The following MFSD6 variants were observed in gnomAD, a reference collection of about 807,000 sequenced individuals.
The protein encoded by MFSD6 is major facilitator superfamily domain containing 6, also known as major facilitator superfamily domain-containing protein 6.
MFSD6 carries 26 observed loss-of-function variants against 56.3 expected under a neutral mutation model. The ratio of observed to expected loss-of-function variants is 0.46; its 90% CI spans 0.34 to 0.64. The LOEUF (loss-of-function observed/expected upper bound fraction) is 0.64, where lower values mean the gene tolerates loss of function less well. Among genes scored for constraint, MFSD6 ranks in the 30% least tolerant of loss-of-function variants. MFSD6 has a pLI of 0.01. For synonymous variants in MFSD6, 331 were observed against 366.9 expected (o/e 0.90, Z 1.12); for missense variants, 750 against 986.2 (o/e 0.76, Z 3.21).
At chr2:190,409,219 C>T (rs1332390831) in intron 1 of MFSD6, among the ~76,000 whole-genome samples, 1 of 151,982 alleles carries the variant, frequency 6.6e-6, no homozygotes. Flanking sequence ...TATTTATTGC[C>T]CATAGAGCAA....
chr2:190,412,600 G>A lies in MFSD6; in HGVS notation c.-175-2692G>A, dbSNP rs1690604364. The A allele has an allele frequency of 2.6e-5, 26 of 985,102 alleles. No homozygotes were observed. The highest frequency in any genetic ancestry group is 3.0e-5 in the Non-Finnish European group (25 of 829,846). 61.0% of individuals were successfully genotyped at this position (985,102 alleles called of 1,614,324 possible). On this transcript the variant is annotated intron_variant, in intron 1 of 7. Transcript: ENST00000392328. This position sits in a 1 kb window ranked among gnomAD's most constrained non-coding sequence, Gnocchi z 4.1. Reference sequence around the variant, plus strand: ...ACATCTGATGTCAATTCTGTGTGGGGCAATGAAAACACCTTAATGCCTCCA... The same window carrying A: ...ACATCTGATGTCAATTCTGTGTGGGACAATGAAAACACCTTAATGCCTCCA...
chr2:190,434,503 T>G lies in MFSD6; in HGVS notation c.-53-1474T>G, dbSNP rs1686111181. Among the ~76,000 whole-genome samples, 1 of 152,198 alleles carries G rather than the reference T, an allele frequency of 6.6e-6. No individual in the cohort carries two copies. The highest frequency in any genetic ancestry group is 2.1e-4 in the South Asian group (1 of 4,822). ...CAGGCTGGAGTGCAGTGGCGCAATC[T>G]CAGCTCACTGCAACCTCCGCCTCCT... On this transcript the variant is annotated intron_variant, in intron 2 of 7. Transcript: ENST00000392328. The surrounding 1 kb of genome is among the most constrained non-coding windows in gnomAD (Gnocchi z 4.3).
chr2:190,490,346 G>A lies in MFSD6; in HGVS notation c.1891+480G>A, dbSNP rs530654062. On this transcript the variant is annotated intron_variant, in intron 6 of 7. Coordinates refer to ENST00000392328, the MANE Select transcript of MFSD6 (RefSeq NM_017694.4). The surrounding 1 kb of genome is among the most constrained non-coding windows in gnomAD (Gnocchi z 4.5). ...TGGGAGGCCGAGGCGGGTGGATCAC[G>A]AGGTTAGGAGATCAAGACCATCTTG... Among the ~76,000 whole-genome samples, 128 of 151,790 alleles carry A rather than the reference G, an allele frequency of 8.4e-4. No individual in the cohort carries two copies. The highest frequency in any genetic ancestry group is 1.4e-3 in the Non-Finnish European group (92 of 67,930).
At chr2:190,474,560 T>A (rs1024913096) in intron 4 of MFSD6, among the ~76,000 whole-genome samples, 2 of 152,090 alleles carry the variant, frequency 1.3e-5, no homozygotes, top group Admixed American at 1.3e-4. Flanking sequence ...GCTCTGAAAT[T>A]GAGGCAATAA....
chr2:190,409,386 C>T (rs1690459647), intron 1 of MFSD6, among the ~76,000 whole-genome samples: 1 of 152,116 alleles, frequency 6.6e-6, no homozygotes, highest in African/African-American at 2.4e-5. Context: ...GAATAAGCAC[C>T]TCACAGAACT....
At chr2:190,480,875 T>G (rs778437932) in intron 4 of MFSD6, among the ~76,000 whole-genome samples, 1 of 152,118 alleles carries the variant, frequency 6.6e-6, no homozygotes, top group Non-Finnish European at 1.5e-5. Context: ...AAAAGTAAAA[T>G]AAATTATAAA....
rs746402049 is a variant in MFSD6, at chr2:190,489,859, G to C, written c.1884G>C (p.Glu628Asp). 1 of 1,613,538 alleles carries C rather than the reference G, an allele frequency of 6.2e-7. No homozygotes were observed. The highest frequency in any genetic ancestry group is 1.3e-5 in the African/African-American group (1 of 74,888). ...TCCAGTGGCTGGCAGTGCCAGATGAGGAAGAAGGTAATTATTTCCATTCTT... is the reference window on the plus strand; with the variant it reads ...TCCAGTGGCTGGCAGTGCCAGATGACGAAGAAGGTAATTATTTCCATTCTT... Reference protein sequence around the residue: ...ALIQWLAVPDEEEDKTMLAER... With the variant: ...ALIQWLAVPDDEEDKTMLAER... The change falls in exon 6 of 8, where the codon GAG (glutamate) becomes GAC (aspartate). Residue 628 changes from glutamate to aspartate, a missense_variant. Transcript: ENST00000392328. This position sits in a 1 kb window ranked among gnomAD's most constrained non-coding sequence, Gnocchi z 6.6.
rs1460195558 is a variant in MFSD6 at position 190,489,769 on chromosome 2, G to A, written c.1794G>A (p.Gly598=). ...MIGGVLVNYF[G]AAATFRGIGM... Reference sequence around the variant, plus strand: ...ATAGAGTGCTGTTTGTTTTTATAGGGGCTGCTGCAACCTTCCGAGGAATTG... The same window carrying A: ...ATAGAGTGCTGTTTGTTTTTATAGGAGCTGCTGCAACCTTCCGAGGAATTG... Residue 598 remains glycine, a splice_region_variant and synonymous_variant, in exon 6 of 8, where the codon GGG becomes GGA. Coordinates refer to ENST00000392328, the MANE Select transcript of MFSD6 (RefSeq NM_017694.4). This position sits in a 1 kb window ranked among gnomAD's most constrained non-coding sequence, Gnocchi z 6.6. 1 of 1,613,684 alleles carries A rather than the reference G, an allele frequency of 6.2e-7. No homozygotes were observed. Among genetic ancestry groups the A allele is most frequent in the African/African-American group, 1.3e-5 (1 of 74,904 alleles).
In MFSD6 at chr2:190,436,515, G is replaced by T. The variant is rs749241021; in HGVS notation, c.486G>T (p.Lys162Asn). 4.3e-6 allele frequency: 7 copies of T among 1,614,192 alleles called. No homozygotes were observed. The highest frequency in any genetic ancestry group is 5.9e-6 in the Non-Finnish European group (7 of 1,180,036). ...CTGCTACCTTGAGATGTGTACCAAA[G>T]ATTCGCCCAACAACTCACCCCACCA... ...VKPATLRCVP[K>N]IRPTTHPTNA... The change falls in exon 3 of 8, where the codon AAG becomes AAT. Residue 162 changes from lysine (K) to asparagine (N), a missense_variant. Physicochemically the swap from Lys to Asn is moderately conservative, Grantham distance 94. Coordinates refer to ENST00000392328, the MANE Select transcript of MFSD6 (RefSeq NM_017694.4). The surrounding 1 kb of genome is among the most constrained non-coding windows in gnomAD (Gnocchi z 5.3).
chr2:190,494,570 C>T lies in MFSD6; in HGVS notation c.1892-2869C>T, dbSNP rs1689555336. Among the ~76,000 whole-genome samples the T allele has an allele frequency of 2.0e-5, 3 of 152,114 alleles. No homozygotes were observed. ...AAAAAAGAAAACTACAGACCAATAT[C>T]CCTGATGAACATCAATGCAAAAATC... is the stretch of plus-strand genomic sequence containing the variant. On this transcript the variant is annotated intron_variant, in intron 6 of 7. Coordinates refer to ENST00000392328, the MANE Select transcript of MFSD6 (RefSeq NM_017694.4). The surrounding 1 kb of genome is among the most constrained non-coding windows in gnomAD (Gnocchi z 5.7).
intron 3 of MFSD6, among the ~76,000 whole-genome samples, chr2:190,448,920 C>T (rs1239036309): frequency 6.6e-6 from 1 of 152,140 alleles, no homozygotes; most frequent in Non-Finnish European, 1.5e-5. Context: ...TAACCGTCCT[C>T]CTGTAGAAGA....
Position 190,415,821 on chromosome 2 carries a change from C to T in MFSD6, c.-54+408C>T, listed in dbSNP as rs541327596. ...GAAAATGTATTATAAACCTTGAGAT[C>T]TATATTCTGGTCTCAATTGTAAACT... On this transcript the variant is annotated intron_variant, in intron 2 of 7. Transcript: ENST00000392328. The surrounding 1 kb of genome is among the most constrained non-coding windows in gnomAD (Gnocchi z 4.5). Among the ~76,000 whole-genome samples the T allele has an allele frequency of 3.5e-4, 53 of 152,256 alleles. No homozygotes were observed. The highest frequency in any genetic ancestry group is 1.2e-3 in the African/African-American group (49 of 41,534).
rs369826202 is a variant in MFSD6, at chr2:190,471,588, C to T, written c.1630+1733C>T. 4.0e-4 allele frequency among the ~76,000 whole-genome samples: 61 copies of T among 152,272 alleles called. 2 individuals carry two copies. The highest frequency in any genetic ancestry group is 1.3e-3 in the African/African-American group (56 of 41,566). On this transcript the variant is annotated intron_variant, in intron 4 of 7. Coordinates refer to ENST00000392328, the MANE Select transcript of MFSD6 (RefSeq NM_017694.4). This position sits in a 1 kb window ranked among gnomAD's most constrained non-coding sequence, Gnocchi z 4.7. ...AGGCTTGAGTAGGTAAACAAAGCAG[C>T]GGCTGGGAAGCTTGAACTGGGTGGA... is the stretch of plus-strand genomic sequence containing the variant.
In MFSD6 at chr2:190,417,182, A is replaced by G. The variant is rs188063417; in HGVS notation, c.-54+1769A>G. Among the ~76,000 whole-genome samples the G allele has an allele frequency of 3.9e-3, 596 of 152,314 alleles. 5 individuals are homozygous for G. Among genetic ancestry groups the G allele is most frequent in the South Asian group, 0.017 (82 of 4,820 alleles). ...GTATTCTATTTCCAGATGTTATGAA[A>G]GGTCCCATTAGATATAGTGAATTCA... is the stretch of plus-strand genomic sequence containing the variant. On this transcript the variant is annotated intron_variant, in intron 2 of 7. Transcript: ENST00000392328. The surrounding 1 kb of genome is among the most constrained non-coding windows in gnomAD (Gnocchi z 5.7).
At chr2:190,408,599 A>C (rs1012355782) in intron 1 of MFSD6, 96 bp downstream of exon 1, 3 of 151,892 alleles carry the variant, frequency 2.0e-5, no homozygotes, top group African/African-American at 4.8e-5. Flanking sequence ...TAGGCACCTC[A>C]GCCGCGCACA....
rs1355054860 is a variant in MFSD6 at position 190,443,270 on chromosome 2, A to G, written c.1532+5709A>G. 6.6e-6 allele frequency among the ~76,000 whole-genome samples: 1 copy of G among 152,216 alleles called. No homozygotes were observed. Among genetic ancestry groups the G allele is most frequent in the Non-Finnish European group, 1.5e-5 (1 of 68,030 alleles). On this transcript the variant is annotated intron_variant, in intron 3 of 7. Transcript: ENST00000392328. The surrounding 1 kb of genome is among the most constrained non-coding windows in gnomAD (Gnocchi z 4.2). ...CTGAGTCAGATTGCCTGGCTCTGCA[A>G]CTTGGAACTATATGGCCTTGGACAA...
At chr2:190,432,059 C>G (rs190210716) in intron 2 of MFSD6, among the ~76,000 whole-genome samples, 2 of 152,264 alleles carry the variant, frequency 1.3e-5, no homozygotes, top group Admixed American at 1.3e-4. Context: ...AACAGACTTT[C>G]CTCAAATGTC....
rs184190145 is a variant in MFSD6 at position 190,495,778 on chromosome 2, T to C, written c.1892-1661T>C. Reference sequence around the variant, plus strand: ...TATTCAACAAATGGTGCTGGGATAATTGGCAAGCCACATGTAGGAGAATGA... The same window carrying C: ...TATTCAACAAATGGTGCTGGGATAACTGGCAAGCCACATGTAGGAGAATGA... On this transcript the variant is annotated intron_variant, in intron 6 of 7. Coordinates refer to ENST00000392328, the MANE Select transcript of MFSD6 (RefSeq NM_017694.4). This position sits in a 1 kb window ranked among gnomAD's most constrained non-coding sequence, Gnocchi z 4.7. Among the ~76,000 whole-genome samples, 290 of 152,180 alleles carry C rather than the reference T, an allele frequency of 1.9e-3. 2 individuals are homozygous for C. Among genetic ancestry groups the C allele is most frequent in the African/African-American group, 6.7e-3 (278 of 41,548 alleles).
At position 190,412,717 on chromosome 2, in the gene MFSD6, G is replaced by T. The variant is rs1175433582; in HGVS notation, c.-175-2575G>T. 1 of 684,184 alleles carries T rather than the reference G, an allele frequency of 1.5e-6. No individual in the cohort carries two copies. The highest frequency in any genetic ancestry group is 1.8e-6 in the Non-Finnish European group (1 of 555,230). 42.4% of individuals were successfully genotyped at this position (684,184 alleles called of 1,614,324 possible). ...CCATTTACTCTACTGGCATTTTGGG[G>T]GTGAGAGGGGCTTGTGTCAGCCTGA... is the stretch of plus-strand genomic sequence containing the variant. On this transcript the variant is annotated intron_variant, in intron 1 of 7. Coordinates refer to ENST00000392328, the MANE Select transcript of MFSD6 (RefSeq NM_017694.4). This position sits in a 1 kb window ranked among gnomAD's most constrained non-coding sequence, Gnocchi z 4.1.
Sources: gnomAD v4.1 joint callset for allele counts (sites outside exome capture counted in the v4.1 genomes callset) on GRCh38, gnomAD v4.1.1 for gene constraint, Gnocchi (gnomAD v3.1) non-coding constraint, MANE v1.5 for transcripts, NCBI Gene and HGNC (gene_info 2026-07-23, HGNC 2026-07-21) for gene names.